Variants in YES1 observed in about 807,000 individuals in gnomAD.
The protein encoded by YES1 is YES proto-oncogene 1, Src family tyrosine kinase.
A neutral mutation model predicts 70.4 loss-of-function variants in YES1; 39 were observed. The ratio of observed to expected loss-of-function variants is 0.55; its 90% CI spans 0.43 to 0.72. YES1 has a LOEUF of 0.72. Among genes scored for constraint, YES1 ranks in the 30% least tolerant of loss-of-function variants. YES1 has a pLI of 0.00. For missense variants in YES1, 495 were observed against 644.8 expected, an observed-to-expected ratio of 0.77 and a Z score of 2.52; for synonymous variants, 198 against 218.6, an observed-to-expected ratio of 0.91 and a Z score of 0.83.
At position 751,707 on chromosome 18, in the gene YES1, ATTG is replaced by A; in HGVS notation, c.366_368del (p.Asn123del). 1.3e-6 allele frequency: 2 copies of A among 1,540,576 alleles called. No homozygotes were observed. The highest frequency in any genetic ancestry group is 1.7e-5 in the Admixed American group (1 of 58,734). On this transcript the variant is annotated inframe_deletion, in exon 3 of 12. Coordinates refer to ENST00000314574, the MANE Select transcript of YES1 (RefSeq NM_005433.4). ...CACAAAATATTCATGACACTTACGT[ATTG>A]TTAATTATTTGAAATCTTTCACCCT...
intron 1 of YES1, among the ~76,000 whole-genome samples, chr18:775,417 C>CT (rs1166446663): frequency 6.6e-6 from 1 of 152,172 alleles, no homozygotes; most frequent in African/African-American, 2.4e-5. Flanking sequence ...CCATCTCATG[C>CT]TATTAACCCT....
chr18:728,420 A>C (rs528485926), intron 11 of YES1, among the ~76,000 whole-genome samples: 9 of 152,296 alleles, frequency 5.9e-5, no homozygotes, highest in Admixed American at 3.9e-4. Flanking sequence ...GCACAAAACA[A>C]AATTTTGATG....
At chr18:763,981 T>C (rs1471842684) in intron 1 of YES1, among the ~76,000 whole-genome samples, 2 of 151,144 alleles carry the variant, frequency 1.3e-5, no homozygotes, top group Non-Finnish European at 2.9e-5. Context: ...ATCAGCGGGG[T>C]GTGGTGGCGG....
At chr18:786,220 A>T (rs757097085) in intron 1 of YES1, among the ~76,000 whole-genome samples, 5 of 149,706 alleles carry the variant, frequency 3.3e-5, no homozygotes, top group Non-Finnish European at 7.4e-5. Context: ...TCCACACAGG[A>T]ATTACTCAAA....
intron 1 of YES1, among the ~76,000 whole-genome samples, chr18:796,671 T>G (rs965946951): frequency 6.6e-6 from 1 of 151,988 alleles, no homozygotes; most frequent in Non-Finnish European, 1.5e-5. Context: ...GGCAGGAGAA[T>G]CACTTGAACC....
intron 6 of YES1, 60 bp downstream of exon 6, chr18:745,648 T>C (rs1240807937): frequency 2.1e-6 from 3 of 1,457,124 alleles, no homozygotes; most frequent in Non-Finnish European, 2.8e-6. Flanking sequence ...AGGATATGGA[T>C]TTTGTCCTCA....
intron 1 of YES1, among the ~76,000 whole-genome samples, chr18:801,976 C>A (rs1312454939): frequency 6.6e-6 from 1 of 152,236 alleles, no homozygotes; most frequent in African/African-American, 2.4e-5. Context: ...TACAAAAAGA[C>A]AGCATTTGCT....
chr18:803,328 T>C (rs1158046451), intron 1 of YES1, among the ~76,000 whole-genome samples: 3 of 152,180 alleles, frequency 2.0e-5, no homozygotes, highest in South Asian at 2.1e-4. Flanking sequence ...ATAATGCATA[T>C]AAAAGTATGG....
chr18:799,084 G>A (rs1266716801), intron 1 of YES1, among the ~76,000 whole-genome samples: 2 of 152,168 alleles, frequency 1.3e-5, no homozygotes, highest in African/African-American at 4.8e-5. Flanking sequence ...TAACCAGTTT[G>A]CTTTATACCA....
intron 11 of YES1, among the ~76,000 whole-genome samples, chr18:731,643 T>C (rs992273075): frequency 6.6e-6 from 1 of 152,184 alleles, no homozygotes; most frequent in African/African-American, 2.4e-5. Context: ...TGAGCTAAAA[T>C]TTCTCCTTCC....
At chr18:772,827 A>C (rs116560648) in intron 1 of YES1, among the ~76,000 whole-genome samples, 2 of 152,112 alleles carry the variant, frequency 1.3e-5, no homozygotes, top group African/African-American at 4.8e-5. Flanking sequence ...ACTTACTCAT[A>C]ATTTTTATTC....
intron 3 of YES1, among the ~76,000 whole-genome samples, chr18:750,124 A>G (rs2080326893): frequency 6.6e-6 from 1 of 152,238 alleles, no homozygotes; most frequent in African/African-American, 2.4e-5. Context: ...GCCTAGATAA[A>G]TTTGCTCTCT....
intron 11 of YES1, 123 bp from the exon 12 acceptor site, chr18:724,755 A>C (rs1171916992): frequency 2.6e-5 from 18 of 701,884 alleles, no homozygotes; most frequent in Non-Finnish European, 4.2e-5. Context: ...TCTTTTAACA[A>C]AGCAACAAAA....
At chr18:784,328 A>G (rs1198975168) in intron 1 of YES1, among the ~76,000 whole-genome samples, 2 of 152,230 alleles carry the variant, frequency 1.3e-5, no homozygotes, top group East Asian at 3.8e-4. Flanking sequence ...ATGTGTTGTT[A>G]TTATCTCTGT....
At chr18:736,732 G>A (rs1458741112) in intron 10 of YES1, 76 bp downstream of exon 10, 1 of 1,521,280 alleles carries the variant, frequency 6.6e-7, no homozygotes, top group African/African-American at 1.4e-5. Flanking sequence ...TTCTTATTCT[G>A]GAAAACCCTG....
At chr18:757,469 C>G (rs569130367) in intron 1 of YES1, among the ~76,000 whole-genome samples, 8 of 145,716 alleles carry the variant, frequency 5.5e-5, no homozygotes, top group African/African-American at 1.0e-4. Context: ...CGCCACTGCA[C>G]TCCAGCCTGG....
chr18:743,404 C>T lies in YES1; in HGVS notation c.736G>A (p.Gly246Ser), dbSNP rs558434523. The T allele has an allele frequency of 3.1e-6, 5 of 1,612,060 alleles. No homozygotes were observed. Among genetic ancestry groups the T allele is most frequent in the Non-Finnish European group, 4.2e-6 (5 of 1,179,446 alleles). ...ACAGTTGTCAACTTGTGGCATAAAC[C>T]ATCAGCATGTTCTAGATAAATGAAT... The part of the protein sequence containing the change: ...LVKHYTEHAD[G>S]LCHKLTTVCP... The change falls in exon 7 of 12, where the codon GGT (glycine) becomes AGT (serine). Residue 246 changes from glycine to serine, a missense_variant. Gly to Ser is a moderately conservative substitution (Grantham distance 56). Around this residue, in one of 2 missense-constraint regions of YES1, gnomAD observed 385 missense variants for 540.9 expected, o/e 0.71. Transcript: ENST00000314574.
chr18:735,164 A>AAAAAGAAAAAAAAAAC (rs2080138129), intron 10 of YES1, among the ~76,000 whole-genome samples: 1 of 151,652 alleles, frequency 6.6e-6, no homozygotes, highest in African/African-American at 2.4e-5. Context: ...CTCAAAGCAA[A>AAAAAGAAAAAAAAAAC]AAAAAAAAAA....
chr18:751,620 C>A, intron 3 of YES1, 85 bp downstream of exon 3: 1 of 925,054 alleles, frequency 1.1e-6, no homozygotes, highest in African/African-American at 1.6e-5. Flanking sequence ...TCTCTCATCT[C>A]TGGATCATCA....
Sources: gnomAD v4.1 joint callset for allele counts (sites outside exome capture counted in the v4.1 genomes callset) on GRCh38, gnomAD v4.1.1 for gene constraint, gnomAD v4.1.1 regional missense constraint, MANE v1.5 for transcripts, NCBI Gene and HGNC (gene_info 2026-07-23, HGNC 2026-07-21) for gene names.